Variants in CATSPERB observed in about 807,000 individuals in gnomAD.
CATSPERB encodes the protein catsper channel auxiliary subunit beta.
Under a neutral mutation model 128.3 loss-of-function variants are expected in CATSPERB, and 93 were observed. That is an observed-to-expected ratio of 0.72 (90% CI 0.61 to 0.86). The LOEUF is 0.86. Among genes scored for constraint, CATSPERB ranks in the 40% least tolerant of loss-of-function variants. The pLI is 0.00. For synonymous variants in CATSPERB, 381 were observed against 448.8 expected (o/e 0.85, Z 1.91); for missense variants, 1,153 against 1,329.5 (o/e 0.87, Z 2.06).
chr14:91,630,931 A>G (rs1330721064), intron 17 of CATSPERB, among the ~76,000 whole-genome samples: 1 of 152,186 alleles, frequency 6.6e-6, no homozygotes, highest in Non-Finnish European at 1.5e-5. Flanking sequence ...ATCACTGTGC[A>G]TCATCTATAC....
At chr14:91,675,503 C>A (rs200652047) in intron 11 of CATSPERB, among the ~76,000 whole-genome samples, 1 of 152,178 alleles carries the variant, frequency 6.6e-6, no homozygotes, top group South Asian at 2.1e-4. Context: ...TAGCTGCTTG[C>A]GACATTGTCT....
At chr14:91,664,391 G>A (rs2139824777) in intron 14 of CATSPERB, among the ~76,000 whole-genome samples, 1 of 150,866 alleles carries the variant, frequency 6.6e-6, no homozygotes, top group East Asian at 2.0e-4. Flanking sequence ...TCAGCCTCCT[G>A]AGTAGCTGGG....
At chr14:91,605,431 C>G in intron 22 of CATSPERB, 2 of 492,672 alleles carry the variant, frequency 4.1e-6, no homozygotes, top group Non-Finnish European at 3.6e-6. Context: ...CCTCCAGAAG[C>G]GAAAGTATCA....
chr14:91,678,775 C>G (rs1229453205), intron 11 of CATSPERB, among the ~76,000 whole-genome samples: 1 of 152,070 alleles, frequency 6.6e-6, no homozygotes, highest in African/African-American at 2.4e-5. Context: ...AGGCTATAAA[C>G]CCAGCCAAAA....
intron 22 of CATSPERB, among the ~76,000 whole-genome samples, chr14:91,597,106 G>C (rs766597691): frequency 6.6e-6 from 1 of 151,822 alleles, no homozygotes. Context: ...TGTCAGCCAG[G>C]ATGGTCTCGA....
chr14:91,665,851 A>C (rs1894975033), intron 14 of CATSPERB, among the ~76,000 whole-genome samples: 1 of 152,128 alleles, frequency 6.6e-6, no homozygotes, highest in Non-Finnish European at 1.5e-5. Context: ...TCTCAAAAAC[A>C]AACTAACAAA....
chr14:91,640,010 TTC>T (rs1894462518), intron 15 of CATSPERB, among the ~76,000 whole-genome samples: 1 of 152,124 alleles, frequency 6.6e-6, no homozygotes, highest in East Asian at 1.9e-4. Flanking sequence ...AGATGGATAA[TTC>T]CCAAATTTAA....
intron 20 of CATSPERB, among the ~76,000 whole-genome samples, 185 bp downstream of exon 20, chr14:91,617,410 CAT>C (rs1176536278): frequency 6.6e-6 from 1 of 152,090 alleles, no homozygotes; most frequent in East Asian, 1.9e-4. Flanking sequence ...TTATGTAGGA[CAT>C]AGATCTATTT....
rs1895217045 is a variant in CATSPERB, at chr14:91,677,854, A to G, written c.932-3632T>C. On this transcript the variant is annotated intron_variant, in intron 11 of 26. Coordinates refer to ENST00000256343, the MANE Select transcript of CATSPERB (RefSeq NM_024764.4). ...TACCCATCAATGGTAGACGGGATAA[A>G]GAAAATGGGTACATGTACACCATGG... is the stretch of plus-strand genomic sequence containing the variant. Among the ~76,000 whole-genome samples the G allele has an allele frequency of 2.0e-5, 3 of 152,214 alleles. No individual in the cohort carries two copies. The South Asian group carries it at 6.2e-4, about 32-fold the overall frequency.
intron 15 of CATSPERB, among the ~76,000 whole-genome samples, chr14:91,645,808 T>C (rs1465662437): frequency 4.0e-5 from 6 of 150,184 alleles, no homozygotes; most frequent in Admixed American, 6.6e-5. Flanking sequence ...TCCCCCAGCC[T>C]CGCTGCTGCC....
chr14:91,729,508 C>A, intron 1 of CATSPERB, 29 bp from the exon 2 acceptor site: 1 of 1,232,628 alleles, frequency 8.1e-7, no homozygotes, highest in Non-Finnish European at 1.2e-6. Flanking sequence ...ATTATTTTCA[C>A]TCAATTTCTG....
intron 7 of CATSPERB, among the ~76,000 whole-genome samples, chr14:91,698,667 T>C (rs933186331): frequency 1.3e-5 from 2 of 152,270 alleles, no homozygotes; most frequent in African/African-American, 4.8e-5. Context: ...GCTTTTGCTT[T>C]TAGTTCTATT....
In CATSPERB at chr14:91,621,836, A is replaced by G. The variant is rs775276520; in HGVS notation, c.2032T>C (p.Leu678=). The G allele has an allele frequency of 6.2e-7, 1 of 1,614,150 alleles. No homozygotes were observed. The highest frequency in any genetic ancestry group is 1.3e-5 in the African/African-American group (1 of 75,068). ...CTTTCAGGCATGGTAGCAATGGCTA[A>G]TGCATTCTTATTATCTAAAATGCTT... is the stretch of plus-strand genomic sequence containing the variant. ...ITSILDNKNA[L]AIATMPESAP... The change falls in exon 19 of 27, where the codon TTA becomes CTA. Residue 678 remains leucine, a synonymous_variant. Transcript: ENST00000256343.
At chr14:91,674,116 C>T in intron 12 of CATSPERB, 60 bp downstream of exon 12, 1 of 934,118 alleles carries the variant, frequency 1.1e-6, no homozygotes, top group Non-Finnish European at 1.7e-6. Context: ...TAATCCCAAT[C>T]CATGAAGTCC....
At chr14:91,724,110 C>T (rs781182904) in intron 3 of CATSPERB, among the ~76,000 whole-genome samples, 23 of 152,062 alleles carry the variant, frequency 1.5e-4, no homozygotes, top group Non-Finnish European at 2.4e-4. Context: ...GCCTGATACA[C>T]ATAAACTCTT....
chr14:91,697,539 T>C (rs773137703), intron 7 of CATSPERB, among the ~76,000 whole-genome samples: 10 of 152,220 alleles, frequency 6.6e-5, no homozygotes, highest in Non-Finnish European at 1.2e-4. Context: ...TACTCCATCT[T>C]GAGTTAACTT....
intron 14 of CATSPERB, among the ~76,000 whole-genome samples, chr14:91,663,132 A>ATGCAG (rs963305182): frequency 6.6e-6 from 1 of 151,640 alleles, no homozygotes; most frequent in African/African-American, 2.4e-5. Context: ...TAAAAAGAGG[A>ATGCAG]TGCAGAAAAC....
intron 15 of CATSPERB, among the ~76,000 whole-genome samples, chr14:91,650,487 G>A (rs1894685335): frequency 6.6e-6 from 1 of 152,176 alleles, no homozygotes; most frequent in Admixed American, 6.5e-5. Flanking sequence ...TTTTTTTGGA[G>A]GTTCTATATT....
At chr14:91,666,364 A>C (rs1894983756) in intron 14 of CATSPERB, among the ~76,000 whole-genome samples, 1 of 152,152 alleles carries the variant, frequency 6.6e-6, no homozygotes, top group Admixed American at 6.5e-5. Context: ...TACTCTAATC[A>C]AGGAGACCCG....
Sources: allele counts gnomAD v4.1 joint callset (sites outside exome capture counted in the v4.1 genomes callset), GRCh38; gene constraint gnomAD v4.1.1; transcripts MANE v1.5; gene names NCBI Gene and HGNC (gene_info 2026-07-23, HGNC 2026-07-21).